The following DNAH1 variants were observed in gnomAD, a reference collection of about 807,000 sequenced individuals.
The protein encoded by DNAH1 is dynein axonemal heavy chain 1, also known as axonemal beta dynein heavy chain 1.
In DNAH1, 327 loss-of-function variants were observed where a neutral mutation model predicts 484.3. The observed-to-expected ratio is 0.68, with a 90% CI of 0.62 to 0.74. The LOEUF is 0.74. Ranked by LOEUF, DNAH1 falls within the 30% of genes least tolerant of loss-of-function variation. The probability of loss-of-function intolerance (pLI) is 0.00; values close to 1 mark genes in which losing one functional copy is unlikely to be tolerated. For missense variants in DNAH1, 5,052 were observed against 5,546.8 expected, an observed-to-expected ratio of 0.91 and a Z score of 2.83; for synonymous variants, 2,192 against 2,191.9, an observed-to-expected ratio of 1.00 and a Z score of 0.00.
chr3:52,374,795 C>A, intron 44 of DNAH1: 1 of 1,046,044 alleles, frequency 9.6e-7, no homozygotes, highest in Non-Finnish European at 1.5e-6. Context: ...CACAACAGTC[C>A]AAAGCAGAGA....
At position 52,326,194 on chromosome 3, in the gene DNAH1, T is replaced by C; in HGVS notation, c.461T>C (p.Ile154Thr). The C allele has an allele frequency of 6.2e-7, 1 of 1,612,862 alleles. No homozygotes were observed. The highest frequency in any genetic ancestry group is 1.3e-5 in the African/African-American group (1 of 75,022). ...DFQERMEQQC[I>T]GSTTRLLAQT... ...CAGGAGCGCATGGAGCAGCAGTGCA[T>C]CGGGTCCACCACCCGGCTGCTCGCC... The change falls in exon 4 of 78, where the codon ATC (isoleucine) becomes ACC (threonine). Residue 154 changes from isoleucine (I) to threonine (T), a missense_variant. By Grantham distance (89) the Ile-to-Thr change is moderately conservative. This residue lies in a region of DNAH1 where 1,263 missense variants were observed against 1,218.8 expected (regional missense o/e 1.04). Coordinates refer to ENST00000420323, the MANE Select transcript of DNAH1 (RefSeq NM_015512.5).
rs185305129 is a variant in DNAH1 at position 52,389,470 on chromosome 3, C to G, written c.9505C>G (p.Arg3169Gly). The G allele has an allele frequency of 2.3e-5, 37 of 1,610,562 alleles. No individual in the cohort carries two copies. Among genetic ancestry groups the G allele is most frequent in the Admixed American group, 3.4e-5 (2 of 59,604 alleles). The change falls in exon 60 of 78, where the codon CGC becomes GGC. Residue 3169 changes from arginine (R) to glycine (G), a missense_variant. Around this residue, in one of 4 missense-constraint regions of DNAH1, gnomAD observed 2,929 missense variants for 3,409.4 expected, o/e 0.86. Transcript: ENST00000420323. ...TCTGGCATCTCCCCAGGGCCAGTAC[C>G]GCACGGTGCTCTACGACAGCTGGGT... ...AYLGPFTGQY[R>G]TVLYDSWVKQ...
chr3:52,374,997 G>A (rs938473991), intron 44 of DNAH1: 16 of 538,090 alleles, frequency 3.0e-5, no homozygotes, highest in Admixed American at 7.1e-5. Context: ...TTTCACTAAC[G>A]TTGTATATGA....
chr3:52,364,869 G>A lies in DNAH1; in HGVS notation c.5368G>A (p.Val1790Met), dbSNP rs951278557. ...ICLRAIRDVN[V>M]PKFLQEDLKL... is the part of the protein sequence containing the mutation. ...CCTCCGGGCCATCCGTGATGTGAAC[G>A]TGCCCAAGTTCCTGCAGGAGGACCT... is the stretch of plus-strand genomic sequence containing the variant. The change falls in exon 34 of 78, where the codon GTG becomes ATG. Residue 1790 changes from valine to methionine, a missense_variant. This residue lies in a region of DNAH1 where 2,929 missense variants were observed against 3,409.4 expected (regional missense o/e 0.86). Coordinates refer to ENST00000420323, the MANE Select transcript of DNAH1 (RefSeq NM_015512.5). The surrounding 1 kb of genome is among the most constrained non-coding windows in gnomAD (Gnocchi z 4.2). The A allele has an allele frequency of 5.0e-6, 8 of 1,613,964 alleles. No homozygotes were observed. The highest frequency in any genetic ancestry group is 2.2e-5 in the South Asian group (2 of 91,074).
At chr3:52,386,087 C>G (rs1484238789) in intron 54 of DNAH1, 73 bp from the exon 55 acceptor site, 1 of 1,488,240 alleles carries the variant, frequency 6.7e-7, no homozygotes, top group East Asian at 2.4e-5. Flanking sequence ...CCCCAACTCT[C>G]CTTCCATCTG....
rs776813696 is a variant in DNAH1, at chr3:52,353,395, C to T, written c.3242C>T (p.Ala1081Val). Reference sequence around the variant, plus strand: ...TACCCGGCAGCCTGCCAGGAAGTGGCCTTGGACATCCGGGCCCGCATCGAG... The same window carrying T: ...TACCCGGCAGCCTGCCAGGAAGTGGTCTTGGACATCCGGGCCCGCATCGAG... ...FKDMPACQEV[A>V]LDIRARIEEF... is the part of the protein sequence containing the mutation. The change falls in exon 20 of 78, where the codon GCC becomes GTC. Residue 1081 changes from alanine to valine, a missense_variant. Coordinates refer to ENST00000420323, the MANE Select transcript of DNAH1 (RefSeq NM_015512.5). This position sits in a 1 kb window ranked among gnomAD's most constrained non-coding sequence, Gnocchi z 5.0. 13 of 1,610,736 alleles carry T rather than the reference C, an allele frequency of 8.1e-6. No individual in the cohort carries two copies. The highest frequency in any genetic ancestry group is 1.0e-5 in the Non-Finnish European group (12 of 1,177,586).
chr3:52,372,423 C>T, intron 43 of DNAH1, 36 bp downstream of exon 43: 2 of 1,607,706 alleles, frequency 1.2e-6, no homozygotes, highest in Non-Finnish European at 1.7e-6. Flanking sequence ...ACCCCTGCAT[C>T]CTCCCAGCCT....
At chr3:52,317,340 G>C (rs769556938) in intron 1 of DNAH1, among the ~76,000 whole-genome samples, 1 of 152,096 alleles carries the variant, frequency 6.6e-6, no homozygotes, top group Admixed American at 6.5e-5. Flanking sequence ...GAGGGGTGTC[G>C]GGCGCATCCG....
At chr3:52,377,489 A>G (rs1380602452) in intron 46 of DNAH1, among the ~76,000 whole-genome samples, 1 of 151,926 alleles carries the variant, frequency 6.6e-6, no homozygotes, top group Non-Finnish European at 1.5e-5. Flanking sequence ...ACAGGGACCC[A>G]TGAAATCATT....
rs896073199 is a variant in DNAH1, at chr3:52,382,461, A to G, written c.7941+6A>G. ...TCCTCTTCTCAGACACCCAGGTGCC[A>G]CTGCCACAGCAGAGGGCAGGGCTCG... On this transcript the variant is annotated splice_donor_region_variant and intron_variant, in intron 50 of 77. Coordinates refer to ENST00000420323, the MANE Select transcript of DNAH1 (RefSeq NM_015512.5). 3 of 1,613,422 alleles carry G rather than the reference A, an allele frequency of 1.9e-6. No homozygotes were observed. The highest frequency in any genetic ancestry group is 2.5e-6 in the Non-Finnish European group (3 of 1,179,590).
chr3:52,326,610 A>G (rs1701354085), intron 4 of DNAH1, 125 bp from the exon 5 acceptor site: 1 of 1,203,946 alleles, frequency 8.3e-7, no homozygotes, highest in Non-Finnish European at 1.1e-6. Context: ...AGAGGGGTGG[A>G]GGGCTCCAGA....
intron 32 of DNAH1, among the ~76,000 whole-genome samples, 179 bp downstream of exon 32, chr3:52,363,323 G>A (rs1019643229): frequency 6.6e-6 from 1 of 152,252 alleles, no homozygotes; most frequent in Non-Finnish European, 1.5e-5. Flanking sequence ...TGAGGACACC[G>A]AGGTCCTAGG....
chr3:52,355,472 C>A lies in DNAH1; in HGVS notation c.3693+417C>A, dbSNP rs1328644305. On this transcript the variant is annotated intron_variant, in intron 21 of 77. Transcript: ENST00000420323. This position sits in a 1 kb window ranked among gnomAD's most constrained non-coding sequence, Gnocchi z 4.5. ...CCACTCTGTCCTGAGCTTCTGTTCT[C>A]ATCTCATTTGGAGCTACCTTGGTTG... Among the ~76,000 whole-genome samples, 4 of 152,256 alleles carry A rather than the reference C, an allele frequency of 2.6e-5. No individual in the cohort carries two copies. The highest frequency in any genetic ancestry group is 9.6e-5 in the African/African-American group (4 of 41,482).
chr3:52,327,315 G>A (rs1701382398), intron 5 of DNAH1, among the ~76,000 whole-genome samples: 1 of 152,124 alleles, frequency 6.6e-6, no homozygotes, highest in Admixed American at 6.5e-5. Flanking sequence ...ATCAGGAAAC[G>A]AATCCAGGGA....
At chr3:52,373,235 G>A (rs1367543970) in intron 44 of DNAH1, among the ~76,000 whole-genome samples, 182 bp downstream of exon 44, 4 of 152,320 alleles carry the variant, frequency 2.6e-5, no homozygotes, top group African/African-American at 4.8e-5. Flanking sequence ...CCGCCGCCAC[G>A]GCTGCCGCAG....
At chr3:52,372,713 C>T (rs1389136958) in intron 43 of DNAH1, among the ~76,000 whole-genome samples, 183 bp from the exon 44 acceptor site, 1 of 152,252 alleles carries the variant, frequency 6.6e-6, no homozygotes, top group African/African-American at 2.4e-5. Context: ...CTCAGGTCAG[C>T]CTGTCCCAGC....
chr3:52,323,344 A>C (rs765171645), intron 2 of DNAH1, among the ~76,000 whole-genome samples: 7 of 151,512 alleles, frequency 4.6e-5, no homozygotes, highest in Non-Finnish European at 1.0e-4. Flanking sequence ...GAGAGGGGGG[A>C]ATGACGAGGA....
chr3:52,360,991 C>G (rs568632676), intron 28 of DNAH1, among the ~76,000 whole-genome samples, 173 bp from the exon 29 acceptor site: 9 of 152,062 alleles, frequency 5.9e-5, no homozygotes, highest in Non-Finnish European at 1.3e-4. Context: ...GGACAGGGAA[C>G]GCGCTGGGCA....
In DNAH1 at chr3:52,370,530, G is replaced by A. The variant is rs369273716; in HGVS notation, c.6312G>A (p.Glu2104=). ...TGAGTCGCATCGTAGAGTTGATCGA[G>A]CCCTGGTTCATCTTCTCCCTGATCT... ...EKLSRIVELI[E]PWFIFSLIWS... is the part of the protein sequence containing the mutation. Residue 2104 remains glutamate, a synonymous_variant, in exon 40 of 78, where the codon GAG becomes GAA. Coordinates refer to ENST00000420323, the MANE Select transcript of DNAH1 (RefSeq NM_015512.5). 1 of 1,613,868 alleles carries A rather than the reference G, an allele frequency of 6.2e-7. No homozygotes were observed. The highest frequency in any genetic ancestry group is 1.3e-5 in the African/African-American group (1 of 74,932).
Sources: allele counts gnomAD v4.1 joint callset (sites outside exome capture counted in the v4.1 genomes callset), GRCh38; gene constraint gnomAD v4.1.1; regional missense constraint gnomAD v4.1.1; non-coding constraint Gnocchi (gnomAD v3.1); transcripts MANE v1.5; gene names NCBI Gene and HGNC (gene_info 2026-07-23, HGNC 2026-07-21).